Variants in HTR1F observed in about 807,000 individuals in gnomAD.
The protein encoded by HTR1F is 5-hydroxytryptamine (serotonin) receptor 1F, G protein-coupled.
In HTR1F, 17 loss-of-function variants were observed where a neutral mutation model predicts 24.0. That is an observed-to-expected ratio of 0.71 (90% CI 0.48 to 1.06). The LOEUF is 1.06. HTR1F is among the 50% of genes least tolerant of loss of function. The probability of loss-of-function intolerance (pLI) is 0.00; values close to 1 mark genes in which losing one functional copy is unlikely to be tolerated. For synonymous variants in HTR1F, 186 were observed against 156.8 expected (o/e 1.19, Z -1.39); for missense variants, 391 against 427.8 (o/e 0.91, Z 0.76).
intron 2 of HTR1F, among the ~76,000 whole-genome samples, chr3:87,976,198 A>G (rs1705391831): frequency 6.6e-6 from 1 of 152,240 alleles, no homozygotes; most frequent in South Asian, 2.1e-4. Context: ...AAGATAGAAT[A>G]CAATGGAAGA....
At chr3:87,944,704 C>T (rs1394177194) in intron 2 of HTR1F, among the ~76,000 whole-genome samples, 4 of 152,212 alleles carry the variant, frequency 2.6e-5, no homozygotes, top group African/African-American at 7.2e-5. Flanking sequence ...CTTTTTTTGA[C>T]TTAGAATAAT....
chr3:87,803,096 GA>G (rs1704020644), intron 1 of HTR1F, among the ~76,000 whole-genome samples: 1 of 152,104 alleles, frequency 6.6e-6, no homozygotes, highest in African/African-American at 2.4e-5. Context: ...TTGAGAAAAG[GA>G]ACCTGGATTT....
At chr3:87,956,696 A>G (rs1254271732) in intron 2 of HTR1F, among the ~76,000 whole-genome samples, 1 of 151,360 alleles carries the variant, frequency 6.6e-6, no homozygotes, top group Non-Finnish European at 1.5e-5. Context: ...GATGGTTTGT[A>G]TATCTTTGAA....
chr3:87,944,546 C>T (rs1365342553), intron 2 of HTR1F, among the ~76,000 whole-genome samples: 1 of 152,180 alleles, frequency 6.6e-6, no homozygotes, highest in Non-Finnish European at 1.5e-5. Context: ...TAGGTCTGGT[C>T]GGACCTTTGT....
intron 1 of HTR1F, among the ~76,000 whole-genome samples, chr3:87,812,475 C>G (rs1353163856): frequency 6.6e-6 from 1 of 151,958 alleles, no homozygotes; most frequent in Non-Finnish European, 1.5e-5. Context: ...GAGAGAGGAT[C>G]TGAAATAGGA....
chr3:87,973,514 A>T (rs367771796), intron 2 of HTR1F, among the ~76,000 whole-genome samples: 1 of 152,216 alleles, frequency 6.6e-6, no homozygotes, highest in African/African-American at 2.4e-5. Context: ...CAAAACTGCT[A>T]TAACCGTCTA....
At chr3:87,892,637 T>C (rs1170589980) in intron 2 of HTR1F, among the ~76,000 whole-genome samples, 2 of 152,218 alleles carry the variant, frequency 1.3e-5, no homozygotes, top group African/African-American at 4.8e-5. Context: ...GTTCCCGAAA[T>C]GTTAATTTTC....
At chr3:87,961,773 AG>A (rs2107479936) in intron 2 of HTR1F, among the ~76,000 whole-genome samples, 1 of 150,886 alleles carries the variant, frequency 6.6e-6, no homozygotes, top group South Asian at 2.1e-4. Context: ...AAAGTAATGG[AG>A]GTAGTATAAA....
intron 2 of HTR1F, among the ~76,000 whole-genome samples, chr3:87,906,044 A>G (rs1164144339): frequency 1.3e-5 from 2 of 152,102 alleles, no homozygotes; most frequent in Non-Finnish European, 2.9e-5. Flanking sequence ...ATAAGGATTA[A>G]TTGAACTATA....
At chr3:87,856,274 G>T (rs541634406) in intron 2 of HTR1F, among the ~76,000 whole-genome samples, 8 of 152,058 alleles carry the variant, frequency 5.3e-5, no homozygotes, top group Middle Eastern at 3.4e-3. Flanking sequence ...GGAATCCACT[G>T]GGAGTACTGA....
intron 2 of HTR1F, among the ~76,000 whole-genome samples, chr3:87,949,681 C>T (rs1704790602): frequency 1.3e-5 from 2 of 152,262 alleles, no homozygotes; most frequent in African/African-American, 4.8e-5. Context: ...AAACCCACAC[C>T]GTCTCCTTTT....
At chr3:87,900,085 G>T (rs1473063161) in intron 2 of HTR1F, among the ~76,000 whole-genome samples, 1 of 151,922 alleles carries the variant, frequency 6.6e-6, no homozygotes, top group Admixed American at 6.6e-5. Flanking sequence ...CAGAAAGGCA[G>T]ATATAAACCA....
At chr3:87,954,131 T>C (rs12106679) in intron 2 of HTR1F, among the ~76,000 whole-genome samples, 20,063 of 151,724 alleles carry the variant, frequency 0.13, 1,394 homozygotes, top group Middle Eastern at 0.18. Flanking sequence ...TAGTGTTTGA[T>C]AGCACAGTGA....
At chr3:87,920,164 A>T (rs980379968) in intron 2 of HTR1F, among the ~76,000 whole-genome samples, 1 of 151,876 alleles carries the variant, frequency 6.6e-6, no homozygotes, top group African/African-American at 2.4e-5. Context: ...AAAAGCAAAC[A>T]TCCTACATTC....
intron 2 of HTR1F, among the ~76,000 whole-genome samples, chr3:87,839,484 T>G (rs1430178912): frequency 2.6e-5 from 4 of 152,178 alleles, no homozygotes; most frequent in African/African-American, 9.6e-5. Context: ...TCATGTTGGA[T>G]AGTGTGATGC....
intron 2 of HTR1F, among the ~76,000 whole-genome samples, chr3:87,855,869 G>A (rs776312068): frequency 6.6e-6 from 1 of 151,946 alleles, no homozygotes; most frequent in Non-Finnish European, 1.5e-5. Context: ...AACCCTCTCA[G>A]TATTAGATTA....
chr3:87,830,883 GTTCT>G (rs1704559778), intron 2 of HTR1F, among the ~76,000 whole-genome samples: 1 of 152,124 alleles, frequency 6.6e-6, no homozygotes, highest in Non-Finnish European at 1.5e-5. Context: ...TTTACAATGA[GTTCT>G]TTCTCTAAGC....
chr3:87,875,060 T>A (rs1705639641), intron 2 of HTR1F, among the ~76,000 whole-genome samples: 1 of 152,196 alleles, frequency 6.6e-6, no homozygotes, highest in Non-Finnish European at 1.5e-5. Flanking sequence ...AGAAGCATCT[T>A]GATATTGGTC....
intron 2 of HTR1F, among the ~76,000 whole-genome samples, chr3:87,881,274 T>C (rs1346949828): frequency 6.6e-6 from 1 of 152,152 alleles, no homozygotes; most frequent in Non-Finnish European, 1.5e-5. Flanking sequence ...CACCAGGAGA[T>C]TATGTCTCAT....
Sources: allele counts gnomAD v4.1 joint callset (sites outside exome capture counted in the v4.1 genomes callset), GRCh38; gene constraint gnomAD v4.1.1; transcripts MANE v1.5; gene names NCBI Gene and HGNC (gene_info 2026-07-23, HGNC 2026-07-21).